Variants in CLK3 observed in about 807,000 individuals in gnomAD.
CLK3 encodes dual specificity protein kinase CLK3.
A neutral mutation model predicts 65.2 loss-of-function variants in CLK3; 24 were observed. The ratio of observed to expected loss-of-function variants is 0.37; its 90% CI spans 0.27 to 0.52. The LOEUF is 0.52. Among genes scored for constraint, CLK3 ranks in the 20% least tolerant of loss-of-function variants. The probability of loss-of-function intolerance (pLI) is 0.92; values close to 1 mark genes in which losing one functional copy is unlikely to be tolerated. For synonymous variants in CLK3, 252 were observed against 240.8 expected (o/e 1.05, Z -0.43); for missense variants, 506 against 660.0 (o/e 0.77, Z 2.56).
chr15:74,614,853 T>G (rs1000504685), upstream of CLK3: 5 of 152,278 alleles, frequency 3.3e-5, no homozygotes, highest in East Asian at 9.7e-4. Flanking sequence ...ACTGCGGGTT[T>G]CTAGCCCTCG....
chr15:74,628,053 G>A lies in CLK3; in HGVS notation c.1125+1G>A, dbSNP rs1254393454. The A allele has an allele frequency of 6.2e-7, 1 of 1,606,546 alleles. No homozygotes were observed. The highest frequency in any genetic ancestry group is 8.5e-7 in the Non-Finnish European group (1 of 1,173,036). ...CTACCGGGGCTTCACACTCTTCCAG[G>A]TACAGCCACCCTGCATTGGTCCCCT... is the stretch of plus-strand genomic sequence containing the variant. On this transcript the variant is annotated splice_donor_variant, in intron 10 of 12. Transcript: ENST00000395066. LOFTEE classifies it high-confidence loss of function.
Position 74,620,082 on chromosome 15 carries a change from A to G in CLK3, c.226A>G (p.Ser76Gly). The change falls in exon 3 of 13, where the codon AGC becomes GGC. Residue 76 changes from serine (S) to glycine (G), a missense_variant. This residue lies in a region of CLK3 where 181 missense variants were observed against 159.4 expected (regional missense o/e 1.14). Coordinates refer to ENST00000395066, the MANE Select transcript of CLK3 (RefSeq NM_001130028.2). Reference protein sequence around the residue: ...DSDTYRCEERSPSFGEDYYGP... With the variant: ...DSDTYRCEERGPSFGEDYYGP... ...CGATACATACCGGTGTGAAGAGCGGAGCCCATCCTTTGGAGAGGACTACTA... is the reference window on the plus strand; with the variant it reads ...CGATACATACCGGTGTGAAGAGCGGGGCCCATCCTTTGGAGAGGACTACTA... 6.2e-7 allele frequency: 1 copy of G among 1,614,164 alleles called. No homozygotes were observed. The highest frequency in any genetic ancestry group is 8.5e-7 in the Non-Finnish European group (1 of 1,180,028).
At chr15:74,618,616 G>A (rs1015026079) in intron 1 of CLK3, among the ~76,000 whole-genome samples, 5 of 152,188 alleles carry the variant, frequency 3.3e-5, no homozygotes, top group Non-Finnish European at 7.4e-5. Context: ...CTTTCTCCAA[G>A]GGCTGCTCTT....
upstream of CLK3, among the ~76,000 whole-genome samples, chr15:74,614,011 C>T (rs2062023753): frequency 6.6e-6 from 1 of 152,156 alleles, no homozygotes; most frequent in Non-Finnish European, 1.5e-5. Context: ...TACACTGAAG[C>T]GGCTCCTAAC....
chr15:74,614,811 G>A (rs1482122437), upstream of CLK3: 5 of 152,212 alleles, frequency 3.3e-5, no homozygotes, highest in African/African-American at 1.2e-4. Context: ...GTCCCAAGGA[G>A]GGGGCGGTGC....
chr15:74,615,741 C>T, upstream of CLK3: 2 of 1,238,860 alleles, frequency 1.6e-6, no homozygotes, highest in Non-Finnish European at 1.0e-6. Flanking sequence ...GAGTCGGGGG[C>T]TAGAGCGGCC....
At chr15:74,609,711 C>T (rs1397491792) in intron 1 of CLK3, among the ~76,000 whole-genome samples, 1 of 152,252 alleles carries the variant, frequency 6.6e-6, no homozygotes, top group East Asian at 1.9e-4. Flanking sequence ...TGGGCCCTGC[C>T]TCCATCCCAG....
chr15:74,627,940 C>T lies in CLK3; in HGVS notation c.1043-30C>T, dbSNP rs1165539695. On this transcript the variant is annotated intron_variant, in intron 9 of 12. Transcript: ENST00000395066. The surrounding 1 kb of genome is among the most constrained non-coding windows in gnomAD (Gnocchi z 4.3). Reference sequence around the variant, plus strand: ...CCAGGCTGGAAGCATAAGGCCGGATCTCACAGCCTCTCCCCATCTTGGCTT... The same window carrying T: ...CCAGGCTGGAAGCATAAGGCCGGATTTCACAGCCTCTCCCCATCTTGGCTT... 1 of 1,557,132 alleles carries T rather than the reference C, an allele frequency of 6.4e-7. No homozygotes were observed. Among genetic ancestry groups the T allele is most frequent in the African/African-American group, 1.4e-5 (1 of 73,800 alleles).
chr15:74,612,358 T>C (rs1338113898), upstream of CLK3, among the ~76,000 whole-genome samples: 2 of 152,158 alleles, frequency 1.3e-5, no homozygotes, highest in Non-Finnish European at 2.9e-5. Context: ...GACGGACCTC[T>C]CACCCACCAG....
chr15:74,627,878 A>G lies in CLK3; in HGVS notation c.1043-92A>G, dbSNP rs2062156632. 3 of 1,232,350 alleles carry G rather than the reference A, an allele frequency of 2.4e-6. No homozygotes were observed. Among genetic ancestry groups the G allele is most frequent in the Non-Finnish European group, 3.6e-6 (3 of 839,518 alleles). 76.3% of individuals were successfully genotyped at this position (1,232,350 alleles called of 1,614,324 possible). A position where few individuals can be genotyped will look rare whatever the true frequency, so the allele number is the denominator to read the frequency against. On this transcript the variant is annotated intron_variant, in intron 9 of 12. Coordinates refer to ENST00000395066, the MANE Select transcript of CLK3 (RefSeq NM_001130028.2). The surrounding 1 kb of genome is among the most constrained non-coding windows in gnomAD (Gnocchi z 4.3). ...GGCCTCGTACTGGGATTTGGGCAAG[A>G]GTCCTGCCAGCCGGTGTGGTGGCTG... is the stretch of plus-strand genomic sequence containing the variant.
chr15:74,615,570 A>C (rs942862142), upstream of CLK3: 4 of 1,267,224 alleles, frequency 3.2e-6, no homozygotes, highest in South Asian at 2.7e-5. Flanking sequence ...CTGAGAGCCC[A>C]GCCGGCCCGG....
At chr15:74,616,734 A>G (rs1448642496) in intron 1 of CLK3, among the ~76,000 whole-genome samples, 1 of 152,208 alleles carries the variant, frequency 6.6e-6, no homozygotes, top group African/African-American at 2.4e-5. Context: ...CAGTCCAGCC[A>G]AAAATAACCA....
upstream of CLK3, among the ~76,000 whole-genome samples, chr15:74,614,069 A>C (rs1018997196): frequency 1.3e-5 from 2 of 152,226 alleles, no homozygotes; most frequent in African/African-American, 4.8e-5. Flanking sequence ...GCTGCAGTGA[A>C]GTGGCGCGAT....
At chr15:74,614,574 G>A (rs1025197322), upstream of CLK3, among the ~76,000 whole-genome samples, 2 of 152,210 alleles carry the variant, frequency 1.3e-5, no homozygotes, top group African/African-American at 4.8e-5. Context: ...AGATTTAGGG[G>A]ATACTAAACA....
upstream of CLK3, chr15:74,614,864 C>T (rs2062037223): frequency 6.6e-6 from 1 of 152,214 alleles, no homozygotes; most frequent in Non-Finnish European, 1.5e-5. Flanking sequence ...CTAGCCCTCG[C>T]GTGGCGTGGG....
chr15:74,629,574 G>A (rs1047282996), intron 12 of CLK3, 133 bp from the exon 13 acceptor site: 6 of 644,744 alleles, frequency 9.3e-6, no homozygotes, highest in Non-Finnish European at 1.7e-5. Context: ...CCAGGAGGGC[G>A]GAAGTAGAGT....
At chr15:74,616,834 C>G (rs1567141747) in intron 1 of CLK3, among the ~76,000 whole-genome samples, 1 of 152,236 alleles carries the variant, frequency 6.6e-6, no homozygotes, top group Non-Finnish European at 1.5e-5. Flanking sequence ...CCAGGAACAG[C>G]AAATGAGAAG....
chr15:74,626,500 G>A (rs1459750861), intron 7 of CLK3, among the ~76,000 whole-genome samples: 1 of 152,238 alleles, frequency 6.6e-6, no homozygotes, highest in Non-Finnish European at 1.5e-5. Context: ...AGGTCACCCC[G>A]CATCGCTCCC....
At position 74,626,905 on chromosome 15, in the gene CLK3, C is replaced by T. The variant is rs193129826; in HGVS notation, c.818-447C>T. 5 of 448,418 alleles carry T rather than the reference C, an allele frequency of 1.1e-5. No individual in the cohort carries two copies. In the East Asian group the frequency reaches 2.1e-4, roughly 19 times the overall value. 27.8% of individuals were successfully genotyped at this position (448,418 alleles called of 1,614,324 possible). A position where few individuals can be genotyped will look rare whatever the true frequency, so the allele number is the denominator to read the frequency against. On this transcript the variant is annotated intron_variant, in intron 7 of 12. Coordinates refer to ENST00000395066, the MANE Select transcript of CLK3 (RefSeq NM_001130028.2). ...CCTGTGCACTCAGTCGCACAGGACCCTGTGCTTGATTTAATGTCCTTTTGC... is the reference window on the plus strand; with the variant it reads ...CCTGTGCACTCAGTCGCACAGGACCTTGTGCTTGATTTAATGTCCTTTTGC...
Sources: gnomAD v4.1 joint callset for allele counts (sites outside exome capture counted in the v4.1 genomes callset) on GRCh38, gnomAD v4.1.1 for gene constraint, gnomAD v4.1.1 regional missense constraint, Gnocchi (gnomAD v3.1) non-coding constraint, MANE v1.5 for transcripts, NCBI Gene and HGNC (gene_info 2026-07-23, HGNC 2026-07-21) for gene names.